Variants in CUL2 observed in about 807,000 individuals in gnomAD.
CUL2 encodes the protein cullin 2, also known as cullin-2.
In CUL2, 22 loss-of-function variants were observed where a neutral mutation model predicts 110.2. That is an observed-to-expected ratio of 0.20 (90% confidence interval 0.14 to 0.28). CUL2 has a LOEUF of 0.28. Ranked by LOEUF, CUL2 falls within the 10% of genes least tolerant of loss-of-function variation. The pLI, the probability that CUL2 is intolerant of heterozygous loss-of-function variation, is 1.00. For missense variants in CUL2, 631 were observed against 905.5 expected (o/e 0.70, Z 3.89); for synonymous variants, 279 against 293.2 (o/e 0.95, Z 0.49).
chr10:35,039,285 C>A (rs2085714916), intron 8 of CUL2, among the ~76,000 whole-genome samples: 1 of 152,192 alleles, frequency 6.6e-6, no homozygotes, highest in Admixed American at 6.5e-5. Context: ...CTACATTCCA[C>A]CAGTCTTATA....
chr10:35,084,910 G>T (rs1345310513), intron 1 of CUL2, among the ~76,000 whole-genome samples: 1 of 152,040 alleles, frequency 6.6e-6, no homozygotes, highest in Non-Finnish European at 1.5e-5. Context: ...ATGAGGTCAG[G>T]AGTTCAAGAC....
At chr10:35,050,366 A>G (rs2086071951) in intron 5 of CUL2, among the ~76,000 whole-genome samples, 1 of 152,138 alleles carries the variant, frequency 6.6e-6, no homozygotes, top group Non-Finnish European at 1.5e-5. Context: ...TAAAATGCTC[A>G]ACACTATAAA....
intron 1 of CUL2, among the ~76,000 whole-genome samples, chr10:35,084,345 A>C (rs573619239): frequency 6.6e-6 from 1 of 152,310 alleles, no homozygotes; most frequent in East Asian, 1.9e-4. Flanking sequence ...TTAAAGCAAA[A>C]GGAAATATTC....
intron 1 of CUL2, among the ~76,000 whole-genome samples, chr10:35,123,769 C>T (rs987124332): frequency 3.3e-5 from 5 of 152,160 alleles, no homozygotes; most frequent in African/African-American, 1.2e-4. Context: ...GTTGGAAATG[C>T]TCATGGGCCA....
intron 6 of CUL2, 83 bp from the exon 7 acceptor site, chr10:35,044,951 C>T (rs1028052295): frequency 1.1e-6 from 1 of 921,652 alleles, no homozygotes. Flanking sequence ...AAATATGGCT[C>T]CTTATTCTAT....
At chr10:35,104,863 G>A (rs1284494015) in intron 1 of CUL2, among the ~76,000 whole-genome samples, 1 of 151,774 alleles carries the variant, frequency 6.6e-6, no homozygotes, top group African/African-American at 2.4e-5. Flanking sequence ...CTGAGTAGCT[G>A]GGATTACAGG....
chr10:35,097,706 A>G (rs1189350442), intron 2 of CUL2, among the ~76,000 whole-genome samples: 2 of 152,048 alleles, frequency 1.3e-5, no homozygotes, highest in Non-Finnish European at 1.5e-5. Context: ...CACGCCTGCA[A>G]TTGACACTTT....
intron 1 of CUL2, among the ~76,000 whole-genome samples, chr10:35,072,081 A>G (rs1478099453): frequency 6.6e-6 from 1 of 152,188 alleles, no homozygotes; most frequent in Non-Finnish European, 1.5e-5. Context: ...GGCAGCATGC[A>G]AGGGAATATG....
intron 1 of CUL2, among the ~76,000 whole-genome samples, chr10:35,078,473 T>G (rs928216248): frequency 1.3e-5 from 2 of 151,988 alleles, no homozygotes; most frequent in Non-Finnish European, 2.9e-5. Context: ...TTTTGTATTT[T>G]TTTTTTTAGT....
At chr10:35,074,395 TG>T in intron 1 of CUL2, 1 of 636,634 alleles carries the variant, frequency 1.6e-6, no homozygotes, top group Non-Finnish European at 2.8e-6. Flanking sequence ...TTCATACACT[TG>T]CCTTTACCCT....
At chr10:35,049,786 C>A in intron 5 of CUL2, 21 bp from the exon 6 acceptor site, 1 of 1,552,744 alleles carries the variant, frequency 6.4e-7, no homozygotes, top group Non-Finnish European at 8.9e-7. Flanking sequence ...AAACGAAAAT[C>A]ATCAGGGCTG....
intron 17 of CUL2, 22 bp downstream of exon 17, chr10:35,025,110 G>T: frequency 4.1e-6 from 6 of 1,467,840 alleles, no homozygotes; most frequent in Non-Finnish European, 5.4e-6. Flanking sequence ...CATTAAGCCA[G>T]ATATAATTAA....
rs868501635 is a variant in CUL2 at position 35,084,807 on chromosome 10, T to C, written c.-23+5372A>G. ...TATTAAGATTCTAGGGCTGATCCTGTCATCAATTTACTTAAAAACAACTGA... is the reference window on the plus strand; with the variant it reads ...TATTAAGATTCTAGGGCTGATCCTGCCATCAATTTACTTAAAAACAACTGA... On this transcript the variant is annotated intron_variant, in intron 1 of 20. Coordinates refer to ENST00000374749, the MANE Select transcript of CUL2 (RefSeq NM_003591.4). 2.0e-4 allele frequency among the ~76,000 whole-genome samples: 31 copies of C among 152,264 alleles called. No individual in the cohort carries two copies. In the South Asian group the frequency reaches 3.7e-3, roughly 18 times the overall value.
chr10:35,019,576 A>AAT (rs1354770656), intron 17 of CUL2, among the ~76,000 whole-genome samples: 3 of 152,198 alleles, frequency 2.0e-5, no homozygotes, highest in Non-Finnish European at 4.4e-5. Flanking sequence ...TACCCTGCAG[A>AAT]ATAGGTTGGC....
chr10:35,032,405 A>C, intron 12 of CUL2, 30 bp downstream of exon 12: 1 of 1,564,164 alleles, frequency 6.4e-7, no homozygotes, highest in Non-Finnish European at 8.7e-7. Flanking sequence ...ACTTTTCATA[A>C]GATTACTTTT....
At chr10:35,077,911 C>T (rs2086860566) in intron 1 of CUL2, among the ~76,000 whole-genome samples, 1 of 151,686 alleles carries the variant, frequency 6.6e-6, no homozygotes, top group Non-Finnish European at 1.5e-5. Context: ...CACAATTAAA[C>T]AGCTTGCTCA....
chr10:35,067,982 C>T (rs1163557193), intron 2 of CUL2, among the ~76,000 whole-genome samples: 1 of 151,554 alleles, frequency 6.6e-6, no homozygotes. Flanking sequence ...TTGTGGTGGG[C>T]GCCTGTAGTC....
chr10:35,077,491 C>T (rs990706118), intron 1 of CUL2, among the ~76,000 whole-genome samples: 3 of 151,320 alleles, frequency 2.0e-5, no homozygotes, highest in Admixed American at 6.6e-5. Flanking sequence ...AGCAAGACTC[C>T]GTCTCAAAAA....
chr10:35,096,191 T>G (rs959217690), intron 2 of CUL2, among the ~76,000 whole-genome samples: 4 of 151,898 alleles, frequency 2.6e-5, no homozygotes, highest in Admixed American at 1.3e-4. Flanking sequence ...GAGGTTTCAG[T>G]GAGTTGAGAT....
Sources: gnomAD v4.1 joint callset for allele counts (sites outside exome capture counted in the v4.1 genomes callset) on GRCh38, gnomAD v4.1.1 for gene constraint, MANE v1.5 for transcripts, NCBI Gene and HGNC (gene_info 2026-07-23, HGNC 2026-07-21) for gene names.